FRS2: variants seen among roughly 807,000 people sequenced by gnomAD.
FRS2 encodes the protein fibroblast growth factor receptor substrate 2, also known as FGFR signalling adaptor.
A neutral mutation model predicts 43.9 loss-of-function variants in FRS2; 8 were observed. That is an observed-to-expected ratio of 0.18 (90% CI 0.11 to 0.33). The LOEUF (loss-of-function observed/expected upper bound fraction) is 0.33. FRS2 is among the 10% of genes least tolerant of loss of function. FRS2 has a pLI of 1.00. For synonymous variants in FRS2, 219 were observed against 220.3 expected (o/e 0.99, Z 0.05); for missense variants, 534 against 627.6 (o/e 0.85, Z 1.59).
intron 1 of FRS2, among the ~76,000 whole-genome samples, chr12:69,525,630 A>G (rs1323995021): frequency 2.6e-5 from 4 of 152,132 alleles, no homozygotes; most frequent in Non-Finnish European, 5.9e-5. Flanking sequence ...TATCTTGAGA[A>G]CGCGTGTCCT....
chr12:69,571,489 T>A, intron 7 of FRS2, 55 bp downstream of exon 7: 1 of 1,338,018 alleles, frequency 7.5e-7, no homozygotes. Context: ...AGTTGTAAGC[T>A]ATAGATTGTG....
chr12:69,477,569 A>G (rs1745735337), intron 1 of FRS2, among the ~76,000 whole-genome samples: 1 of 151,382 alleles, frequency 6.6e-6, no homozygotes, highest in Non-Finnish European at 1.5e-5. Context: ...GGCGTGAGCC[A>G]CCGCGCCCGG....
At chr12:69,527,468 G>A (rs751373910) in intron 1 of FRS2, among the ~76,000 whole-genome samples, 47 of 149,234 alleles carry the variant, frequency 3.1e-4, no homozygotes, top group Non-Finnish European at 6.2e-4. Flanking sequence ...CTTGTTGCGG[G>A]TCACCATGCC....
chr12:69,507,881 G>T (rs1217405282), intron 1 of FRS2, among the ~76,000 whole-genome samples: 1 of 151,958 alleles, frequency 6.6e-6, no homozygotes, highest in African/African-American at 2.4e-5. Context: ...AAAATTAACA[G>T]GGTGTGGTGG....
At chr12:69,470,989 T>G (rs531444366) in intron 1 of FRS2, among the ~76,000 whole-genome samples, 1 of 152,204 alleles carries the variant, frequency 6.6e-6, no homozygotes, top group Admixed American at 6.5e-5. Context: ...GGGTGTCGTC[T>G]TTTCCCTCCA....
intron 1 of FRS2, among the ~76,000 whole-genome samples, chr12:69,505,020 T>C (rs1288723288): frequency 6.6e-6 from 1 of 152,212 alleles, no homozygotes; most frequent in Non-Finnish European, 1.5e-5. Context: ...TATTGTATTG[T>C]ACTGTACTGT....
Position 69,577,678 on chromosome 12 carries a change from T to C in FRS2, c.*2723T>C, listed in dbSNP as rs1425303270. 3 of 152,680 alleles carry C rather than the reference T, an allele frequency of 2.0e-5. No individual in the cohort carries two copies. The highest frequency in any genetic ancestry group is 3.4e-3 in the Middle Eastern group (1 of 294). 9.5% of individuals were successfully genotyped at this position (152,680 alleles called of 1,614,324 possible). On this transcript the variant is annotated 3_prime_UTR_variant, in exon 9 of 9. Transcript: ENST00000549921. ...TGGAAACTGATATTGGTATTACTTG[T>C]GTTTTTTCTTAGTGTGTTTTATTTC...
At chr12:69,473,651 G>T (rs1279172458) in intron 1 of FRS2, among the ~76,000 whole-genome samples, 1 of 152,180 alleles carries the variant, frequency 6.6e-6, no homozygotes, top group African/African-American at 2.4e-5. Flanking sequence ...GAGGTAATGA[G>T]AAGTTACCAA....
chr12:69,522,617 GTTTC>G (rs1490019964), intron 1 of FRS2, among the ~76,000 whole-genome samples: 2 of 152,010 alleles, frequency 1.3e-5, no homozygotes, highest in Non-Finnish European at 2.9e-5. Context: ...GATTTTGGTT[GTTTC>G]TTGTCTTCTG....
intron 1 of FRS2, among the ~76,000 whole-genome samples, chr12:69,498,746 G>C (rs10878996): frequency 0.055 from 8,329 of 152,102 alleles, 562 homozygotes; most frequent in East Asian, 0.37. Context: ...AGAAGTGGAG[G>C]ATTGGCAGAG....
At chr12:69,559,411 G>A (rs1204190996) in intron 3 of FRS2, among the ~76,000 whole-genome samples, 3 of 151,700 alleles carry the variant, frequency 2.0e-5, no homozygotes, top group African/African-American at 4.8e-5. Context: ...GGTGAGTGGA[G>A]GGTTATGAAT....
intron 1 of FRS2, among the ~76,000 whole-genome samples, chr12:69,528,154 T>C (rs1592994946): frequency 6.6e-6 from 1 of 152,174 alleles, no homozygotes. Context: ...CTATCTCTCT[T>C]AAGACCCTGA....
At chr12:69,529,349 C>T (rs147227848) in intron 1 of FRS2, among the ~76,000 whole-genome samples, 9 of 152,232 alleles carry the variant, frequency 5.9e-5, no homozygotes, top group Non-Finnish European at 1.3e-4. Context: ...GTAGGCTGGG[C>T]ATGGTGGCTC....
chr12:69,496,628 A>G (rs1330721181), intron 1 of FRS2, among the ~76,000 whole-genome samples: 1 of 152,222 alleles, frequency 6.6e-6, no homozygotes, highest in Admixed American at 6.5e-5. Context: ...GCTTTCACTT[A>G]TAATAATAGT....
chr12:69,516,115 A>T (rs2135590835), intron 1 of FRS2, among the ~76,000 whole-genome samples: 1 of 152,012 alleles, frequency 6.6e-6, no homozygotes, highest in East Asian at 1.9e-4. Context: ...TACTTCCCAA[A>T]CAGTATTTCA....
chr12:69,508,504 G>A (rs1480851521), intron 1 of FRS2, among the ~76,000 whole-genome samples: 1 of 152,084 alleles, frequency 6.6e-6, no homozygotes. Context: ...AATTAATAAT[G>A]ATAGTTGGAA....
At chr12:69,553,857 G>A (rs1410649091) in intron 3 of FRS2, among the ~76,000 whole-genome samples, 1 of 152,186 alleles carries the variant, frequency 6.6e-6, no homozygotes, top group African/African-American at 2.4e-5. Context: ...TGCATACCAG[G>A]TGTCCAGCTG....
At chr12:69,503,550 T>C (rs987554011) in intron 1 of FRS2, among the ~76,000 whole-genome samples, 1 of 152,088 alleles carries the variant, frequency 6.6e-6, no homozygotes, top group East Asian at 1.9e-4. Flanking sequence ...TCGCCTCTTG[T>C]GTGTGGTGTG....
In FRS2 at chr12:69,578,955, A is replaced by G. The variant is rs754929123; in HGVS notation, c.*4000A>G. 2 of 152,678 alleles carry G rather than the reference A, an allele frequency of 1.3e-5. No homozygotes were observed. Among genetic ancestry groups the G allele is most frequent in the African/African-American group, 2.4e-5 (1 of 41,462 alleles). 9.5% of individuals were successfully genotyped at this position (152,678 alleles called of 1,614,324 possible). A position where few individuals can be genotyped will look rare whatever the true frequency, so the allele number is the denominator to read the frequency against. ...AAAAAGACATAAGTGATACTGTACT[A>G]TGCATACATTGTATCTTAATGCTGT... On this transcript the variant is annotated 3_prime_UTR_variant, in exon 9 of 9. Coordinates refer to ENST00000549921, the MANE Select transcript of FRS2 (RefSeq NM_001278356.2).
Sources: allele counts gnomAD v4.1 joint callset (sites outside exome capture counted in the v4.1 genomes callset), GRCh38; gene constraint gnomAD v4.1.1; transcripts MANE v1.5; gene names NCBI Gene and HGNC (gene_info 2026-07-23, HGNC 2026-07-21).